PDSS2: variants seen among roughly 807,000 people sequenced by gnomAD.
The protein encoded by PDSS2 is all trans-polyprenyl-diphosphate synthase PDSS2.
PDSS2 carries 31 observed loss-of-function variants against 44.5 expected under a neutral mutation model. The observed-to-expected ratio is 0.70, with a 90% CI of 0.52 to 0.94. The LOEUF (loss-of-function observed/expected upper bound fraction) is 0.94, where lower values mean the gene tolerates loss of function less well. PDSS2 is among the 40% of genes least tolerant of loss of function. The pLI is 0.00. For missense variants in PDSS2, 452 were observed against 482.2 expected, an observed-to-expected ratio of 0.94 and a Z score of 0.59; for synonymous variants, 157 against 180.3, an observed-to-expected ratio of 0.87 and a Z score of 1.03.
rs186516896 is a variant in PDSS2, at chr6:107,286,482, C to G, written c.432-12255G>C. Among the ~76,000 whole-genome samples the G allele has an allele frequency of 1.6e-3, 241 of 151,888 alleles. 1 individual carries two copies. The highest frequency in any genetic ancestry group is 5.7e-3 in the African/African-American group (236 of 41,450). Reference sequence around the variant, plus strand: ...CTGAGATTGCACCACTGCACTCCAGCCTGGTTGACAGAGTGAGACTCCATC... The same window carrying G: ...CTGAGATTGCACCACTGCACTCCAGGCTGGTTGACAGAGTGAGACTCCATC... On this transcript the variant is annotated intron_variant, in intron 2 of 7. Transcript: ENST00000369037.
intron 3 of PDSS2, among the ~76,000 whole-genome samples, chr6:107,256,165 A>G (rs1377285511): frequency 1.3e-5 from 2 of 151,866 alleles, no homozygotes; most frequent in Non-Finnish European, 2.9e-5. Context: ...TAATTTTCGT[A>G]TTTTTAGTAG....
intron 3 of PDSS2, among the ~76,000 whole-genome samples, chr6:107,266,462 C>T (rs756645619): frequency 6.6e-6 from 1 of 150,724 alleles, no homozygotes; most frequent in Non-Finnish European, 1.5e-5. Context: ...AAAAGATTCA[C>T]GTTTGAGATT....
chr6:107,414,434 G>A (rs1278197520), intron 1 of PDSS2, among the ~76,000 whole-genome samples: 1 of 152,206 alleles, frequency 6.6e-6, no homozygotes, highest in Admixed American at 6.5e-5. Flanking sequence ...CAAACATGAA[G>A]TACATTTTCT....
chr6:107,308,877 T>C (rs1776945938), intron 2 of PDSS2, among the ~76,000 whole-genome samples: 1 of 152,164 alleles, frequency 6.6e-6, no homozygotes, highest in African/African-American at 2.4e-5. Flanking sequence ...TAAAAATGGC[T>C]GCAGCCAGCT....
Position 107,154,579 on chromosome 6 carries a change from AT to A in PDSS2, c.*39del. 1 of 1,602,732 alleles carries A rather than the reference AT, an allele frequency of 6.2e-7. No individual in the cohort carries two copies. Among genetic ancestry groups the A allele is most frequent in the Non-Finnish European group, 8.5e-7 (1 of 1,169,818 alleles). Reference sequence around the variant, plus strand: ...CTCCCAATCAACCTCATTCCCTAGGATTTTCAGCTAACTAACAATAGTGTCT... The same window carrying A: ...CTCCCAATCAACCTCATTCCCTAGGATTTCAGCTAACTAACAATAGTGTCT... On this transcript the variant is annotated 3_prime_UTR_variant, in exon 8 of 8. Transcript: ENST00000369037.
chr6:107,405,336 T>C (rs1189837961), intron 1 of PDSS2, among the ~76,000 whole-genome samples: 2 of 151,628 alleles, frequency 1.3e-5, no homozygotes, highest in Non-Finnish European at 2.9e-5. Context: ...AAAACACGTG[T>C]AAGTATAGAA....
intron 1 of PDSS2, among the ~76,000 whole-genome samples, chr6:107,449,199 C>T (rs906351737): frequency 6.6e-6 from 1 of 152,196 alleles, no homozygotes; most frequent in Non-Finnish European, 1.5e-5. Flanking sequence ...TACTATTCTC[C>T]ATCTCCACAG....
intron 3 of PDSS2, among the ~76,000 whole-genome samples, chr6:107,253,128 C>G (rs971516507): frequency 6.6e-6 from 1 of 152,192 alleles, no homozygotes; most frequent in Admixed American, 6.5e-5. Flanking sequence ...CTCCACCTCC[C>G]GGGTTTCAGC....
At chr6:107,286,911 G>A (rs758249257) in intron 2 of PDSS2, among the ~76,000 whole-genome samples, 9 of 151,986 alleles carry the variant, frequency 5.9e-5, no homozygotes, top group Admixed American at 2.6e-4. Context: ...ATGGTGGCAC[G>A]CGCCTGTAGT....
intron 1 of PDSS2, among the ~76,000 whole-genome samples, chr6:107,404,623 G>A (rs143093932): frequency 6.6e-4 from 101 of 152,286 alleles, no homozygotes; most frequent in Admixed American, 5.6e-3. Flanking sequence ...ACGTACAGGG[G>A]AACTGCCATT....
intron 1 of PDSS2, among the ~76,000 whole-genome samples, chr6:107,388,316 C>G (rs1779673086): frequency 6.6e-6 from 1 of 152,168 alleles, no homozygotes; most frequent in African/African-American, 2.4e-5. Context: ...ATGTTAATAG[C>G]CACTTCGGAA....
chr6:107,262,554 C>T (rs12192989), intron 3 of PDSS2, among the ~76,000 whole-genome samples: 106 of 152,120 alleles, frequency 7.0e-4, no homozygotes, highest in South Asian at 1.5e-3. Flanking sequence ...GGGCAGATCA[C>T]GAGGTCAGGA....
intron 3 of PDSS2, among the ~76,000 whole-genome samples, chr6:107,251,692 T>G (rs1190752579): frequency 1.3e-5 from 2 of 152,194 alleles, no homozygotes; most frequent in Non-Finnish European, 2.9e-5. Flanking sequence ...GAAAGAGCTT[T>G]GGAATTTGAA....
intron 1 of PDSS2, among the ~76,000 whole-genome samples, chr6:107,350,141 C>T (rs566631308): frequency 3.3e-5 from 5 of 152,252 alleles, no homozygotes; most frequent in African/African-American, 9.6e-5. Flanking sequence ...TGTATTCTTC[C>T]CACCTCAATT....
chr6:107,246,236 T>C (rs1313184073), intron 3 of PDSS2, among the ~76,000 whole-genome samples: 1 of 151,578 alleles, frequency 6.6e-6, no homozygotes, highest in East Asian at 1.9e-4. Context: ...TTTTGTTAAA[T>C]CAAGTGAGAT....
intron 3 of PDSS2, among the ~76,000 whole-genome samples, chr6:107,263,134 G>A (rs745896546): frequency 6.6e-6 from 1 of 151,536 alleles, no homozygotes; most frequent in African/African-American, 2.4e-5. Context: ...ATTGTAGAAT[G>A]CAGATTTTTT....
intron 7 of PDSS2, among the ~76,000 whole-genome samples, chr6:107,191,665 G>T (rs1255929702): frequency 6.6e-6 from 1 of 152,126 alleles, no homozygotes; most frequent in African/African-American, 2.4e-5. Flanking sequence ...GGGCTGGAGT[G>T]CAGCAGCATG....
intron 1 of PDSS2, among the ~76,000 whole-genome samples, chr6:107,430,945 G>A (rs1211197286): frequency 2.0e-5 from 3 of 151,956 alleles, no homozygotes; most frequent in South Asian, 2.1e-4. Flanking sequence ...AAAATTAATC[G>A]ATATTTTGCT....
At chr6:107,442,894 C>A (rs1781552550) in intron 1 of PDSS2, among the ~76,000 whole-genome samples, 1 of 152,224 alleles carries the variant, frequency 6.6e-6, no homozygotes, top group Non-Finnish European at 1.5e-5. Flanking sequence ...AAGAACATCT[C>A]AATTTTCAAT....
Sources: gnomAD v4.1 joint callset for allele counts (sites outside exome capture counted in the v4.1 genomes callset) on GRCh38, gnomAD v4.1.1 for gene constraint, MANE v1.5 for transcripts, NCBI Gene and HGNC (gene_info 2026-07-23, HGNC 2026-07-21) for gene names.